The following PCDHGB7 variants were observed in gnomAD, a reference collection of about 807,000 sequenced individuals.
PCDHGB7 encodes protocadherin gamma-B7.
A neutral mutation model predicts 61.4 loss-of-function variants in PCDHGB7; 37 were observed. The ratio of observed to expected loss-of-function variants is 0.60; its 90% confidence interval spans 0.46 to 0.79. PCDHGB7 has a LOEUF of 0.79. Among genes scored for constraint, PCDHGB7 ranks in the 30% least tolerant of loss-of-function variants. The pLI is 0.00. For missense variants in PCDHGB7, 1,166 were observed against 1,202.5 expected (o/e 0.97, Z 0.45); for synonymous variants, 464 against 503.5 (o/e 0.92, Z 1.05).
rs755936344 is a variant in PCDHGB7, at chr5:141,490,704, C to T, written c.2416-4103C>T. ...ATCCAGACACTGGGGATAATGCCCG[C>T]CTCACCTACTCCATTGTAGGAAATC... On this transcript the variant is annotated intron_variant, in intron 1 of 3. Transcript: ENST00000398594. The surrounding 1 kb of genome is among the most constrained non-coding windows in gnomAD (Gnocchi z 5.4). 6.2e-7 allele frequency: 1 copy of T among 1,614,166 alleles called. No homozygotes were observed.
At chr5:141,453,786 A>G (rs2098774297) in intron 1 of PCDHGB7, among the ~76,000 whole-genome samples, 1 of 152,252 alleles carries the variant, frequency 6.6e-6, no homozygotes, top group Non-Finnish European at 1.5e-5. Flanking sequence ...TTACCATGGT[A>G]TATTAACTTT....
intron 1 of PCDHGB7, among the ~76,000 whole-genome samples, chr5:141,443,008 T>C (rs2098358096): frequency 1.3e-5 from 2 of 152,220 alleles, no homozygotes; most frequent in Admixed American, 1.3e-4. Context: ...TCTAAGAATA[T>C]GACTAATGGA....
At chr5:141,506,597 C>T (rs937487600) in intron 3 of PCDHGB7, among the ~76,000 whole-genome samples, 4 of 152,150 alleles carry the variant, frequency 2.6e-5, no homozygotes, top group Admixed American at 6.5e-5. Context: ...ACAGTATTAA[C>T]GGATCTCATT....
intron 1 of PCDHGB7, among the ~76,000 whole-genome samples, chr5:141,482,633 G>T (rs1218163238): frequency 2.0e-5 from 3 of 151,784 alleles, no homozygotes; most frequent in Non-Finnish European, 2.9e-5. Flanking sequence ...AGGAAGAAAT[G>T]ATAGAGGTGG....
intron 1 of PCDHGB7, chr5:141,423,320 T>C: frequency 6.2e-7 from 1 of 1,614,148 alleles, no homozygotes; most frequent in Non-Finnish European, 8.5e-7. Flanking sequence ...GTGGTGGCGG[T>C]GGCCGCAGTC....
intron 1 of PCDHGB7, chr5:141,423,117 G>A (rs1429958385): frequency 6.2e-7 from 1 of 1,613,698 alleles, no homozygotes; most frequent in Non-Finnish European, 8.5e-7. Flanking sequence ...TGCGTACAGC[G>A]CGGGCACTGC....
Position 141,423,884 on chromosome 5 carries a change from T to C in PCDHGB7, c.2415+3610T>C, listed in dbSNP as rs1253750785. On this transcript the variant is annotated intron_variant, in intron 1 of 3. Transcript: ENST00000398594. ...TGAAAGTCATTTTTCAATCTTGGCA[T>C]ATTTTCTTTTGATTTCAAAGGGGCC... The C allele has an allele frequency of 6.2e-6, 8 of 1,282,566 alleles. No individual in the cohort carries two copies. In the African/African-American group the frequency reaches 1.2e-4, roughly 20 times the overall value. 79.4% of individuals were successfully genotyped at this position (1,282,566 alleles called of 1,614,324 possible). A position where few individuals can be genotyped will look rare whatever the true frequency, so the allele number is the denominator to read the frequency against.
intron 2 of PCDHGB7, among the ~76,000 whole-genome samples, chr5:141,501,015 C>T (rs950216755): frequency 6.6e-5 from 10 of 151,866 alleles, no homozygotes; most frequent in African/African-American, 2.4e-4. Context: ...ACTACAGGCA[C>T]GCGCCACCAC....
intron 1 of PCDHGB7, among the ~76,000 whole-genome samples, chr5:141,438,613 TATATATATATATATATATATATACAC>T (rs1192023297): frequency 0.026 from 946 of 36,486 alleles, 27 homozygotes; most frequent in African/African-American, 0.12. Flanking sequence ...TATATATATA[TATATATATATATATATATATATACAC>T]ACACACACAC....
intron 1 of PCDHGB7, among the ~76,000 whole-genome samples, chr5:141,460,804 T>C (rs2098998238): frequency 1.3e-5 from 2 of 152,020 alleles, no homozygotes; most frequent in African/African-American, 4.8e-5. Flanking sequence ...AGTATATATA[T>C]GTATGTATAC....
intron 1 of PCDHGB7, chr5:141,426,597 T>C (rs2096946172): frequency 2.6e-6 from 1 of 377,476 alleles, no homozygotes. Context: ...TGTCATACCC[T>C]TAGAGATTGT....
chr5:141,499,073 G>T (rs2099789305), intron 2 of PCDHGB7, among the ~76,000 whole-genome samples: 1 of 152,064 alleles, frequency 6.6e-6, no homozygotes, highest in Admixed American at 6.5e-5. Flanking sequence ...CTTACATTCT[G>T]AAGTTCCTGC....
At chr5:141,481,180 T>C (rs1354907506) in intron 1 of PCDHGB7, among the ~76,000 whole-genome samples, 1 of 152,236 alleles carries the variant, frequency 6.6e-6, no homozygotes, top group Admixed American at 6.5e-5. Flanking sequence ...CCAGCTTTAT[T>C]GGGCCAGGCC....
At position 141,489,094 on chromosome 5, in the gene PCDHGB7, G is replaced by GAAA. The variant is rs2154581134; in HGVS notation, c.2416-5711_2416-5710insAAA. On this transcript the variant is annotated intron_variant, in intron 1 of 3. Coordinates refer to ENST00000398594, the MANE Select transcript of PCDHGB7 (RefSeq NM_018927.4). The surrounding 1 kb of genome is among the most constrained non-coding windows in gnomAD (Gnocchi z 4.5). ...CCCACCCCCGCCACTCGGTGACTAA[G>GAAA]AACTGCTGCAAGCAGGCAAACCTCC... The GAAA allele has an allele frequency of 5.1e-6, 2 of 396,028 alleles. No homozygotes were observed. Among genetic ancestry groups the GAAA allele is most frequent in the South Asian group, 4.8e-5 (1 of 20,814 alleles). The allele number at this position is 396,028 out of a possible 1,614,324, so 24.5% of individuals were successfully genotyped here.
In PCDHGB7 at chr5:141,431,318, G is replaced by T. The variant is rs1309389474; in HGVS notation, c.2415+11044G>T. The T allele has an allele frequency of 6.2e-7, 1 of 1,614,086 alleles. No individual in the cohort carries two copies. Among genetic ancestry groups the T allele is most frequent in the African/African-American group, 1.3e-5 (1 of 75,050 alleles). ...CTCCCTCATCGTGCAAAATGGAGCCGACGGTAGTAAGTACCCCGAATTGGT... is the reference window on the plus strand; with the variant it reads ...CTCCCTCATCGTGCAAAATGGAGCCTACGGTAGTAAGTACCCCGAATTGGT... On this transcript the variant is annotated intron_variant, in intron 1 of 3. Coordinates refer to ENST00000398594, the MANE Select transcript of PCDHGB7 (RefSeq NM_018927.4). The surrounding 1 kb of genome is among the most constrained non-coding windows in gnomAD (Gnocchi z 4.8).
At chr5:141,484,176 A>G (rs1044076131) in intron 1 of PCDHGB7, among the ~76,000 whole-genome samples, 1 of 152,236 alleles carries the variant, frequency 6.6e-6, no homozygotes, top group East Asian at 1.9e-4. Context: ...GCTGATCTCA[A>G]TCATTCAAGG....
chr5:141,460,592 G>C (rs796171299), intron 1 of PCDHGB7, among the ~76,000 whole-genome samples: 12 of 151,976 alleles, frequency 7.9e-5, no homozygotes, highest in African/African-American at 2.9e-4. Flanking sequence ...GTTTTTTCTG[G>C]GCTCTCTGTG....
chr5:141,422,973 T>G (rs1157516415), intron 1 of PCDHGB7: 1 of 1,614,102 alleles, frequency 6.2e-7, no homozygotes, highest in Non-Finnish European at 8.5e-7. Flanking sequence ...CGCCCCGCTC[T>G]GCGGAACCTG....
At chr5:141,439,126 G>A (rs2098089550) in intron 1 of PCDHGB7, among the ~76,000 whole-genome samples, 1 of 151,328 alleles carries the variant, frequency 6.6e-6, no homozygotes, top group African/African-American at 2.4e-5. Flanking sequence ...CCGGGAGACA[G>A]AGGTTGCAGT....
Sources: allele counts gnomAD v4.1 joint callset (sites outside exome capture counted in the v4.1 genomes callset), GRCh38; gene constraint gnomAD v4.1.1; non-coding constraint Gnocchi (gnomAD v3.1); transcripts MANE v1.5; gene names NCBI Gene and HGNC (gene_info 2026-07-23, HGNC 2026-07-21).